SLMAP: variants seen among roughly 807,000 people sequenced by gnomAD.
SLMAP encodes sarcolemma associated protein, also known as sarcolemmal membrane-associated protein.
Under a neutral mutation model 128.8 loss-of-function variants are expected in SLMAP, and 44 were observed. The ratio of observed to expected loss-of-function variants is 0.34; its 90% CI spans 0.27 to 0.44. The LOEUF is 0.44. Among genes scored for constraint, SLMAP ranks in the 20% least tolerant of loss-of-function variants. The probability of loss-of-function intolerance (pLI) is 1.00; values close to 1 mark genes in which losing one functional copy is unlikely to be tolerated. For synonymous variants in SLMAP, 327 were observed against 348.8 expected (o/e 0.94, Z 0.70); for missense variants, 787 against 985.3 (o/e 0.80, Z 2.69).
intron 2 of SLMAP, among the ~76,000 whole-genome samples, chr3:57,825,393 ATGT>A (rs1353333966): frequency 2.6e-5 from 4 of 151,468 alleles, no homozygotes; most frequent in Non-Finnish European, 4.4e-5. Flanking sequence ...GCCCTTTATC[ATGT>A]TGAGGAAGTT....
intron 13 of SLMAP, among the ~76,000 whole-genome samples, chr3:57,868,613 G>T (rs914754258): frequency 6.6e-6 from 1 of 151,132 alleles, no homozygotes; most frequent in Admixed American, 6.6e-5. Context: ...TGTGGTCCTA[G>T]GTAGTTGGGA....
chr3:57,843,703 CTTTTCTTTCTTTCTTTCT>C (rs1399064649), intron 4 of SLMAP, among the ~76,000 whole-genome samples: 44 of 133,676 alleles, frequency 3.3e-4, no homozygotes, highest in African/African-American at 6.6e-4. Flanking sequence ...TCCTTCCTTC[CTTTTCTTTCTTTCTTTCT>C]TTTTCTTTCT....
At chr3:57,774,509 A>AATTATTATTATTATTATTATTATT (rs66990452) in intron 2 of SLMAP, among the ~76,000 whole-genome samples, 2 of 147,400 alleles carry the variant, frequency 1.4e-5, no homozygotes, top group African/African-American at 5.0e-5. Context: ...TTTAATAGAC[A>AATTATTATTATTATTATTATTATT]ATTATTATTA....
chr3:57,921,279 A>G (rs1379622510), intron 22 of SLMAP, among the ~76,000 whole-genome samples: 1 of 152,206 alleles, frequency 6.6e-6, no homozygotes. Context: ...CAAAGTATAT[A>G]CAGTGAATTG....
chr3:57,762,720 T>G (rs1278384512), intron 2 of SLMAP, among the ~76,000 whole-genome samples: 1 of 146,912 alleles, frequency 6.8e-6, no homozygotes, highest in Non-Finnish European at 1.5e-5. Flanking sequence ...GTTTTTTTTT[T>G]TTTTTTTTTT....
chr3:57,907,792 C>A, intron 17 of SLMAP, 92 bp from the exon 18 acceptor site: 1 of 1,188,464 alleles, frequency 8.4e-7, no homozygotes, highest in Non-Finnish European at 1.2e-6. Context: ...GTTGTTTATG[C>A]ATGTGCAAAC....
At chr3:57,894,408 AT>A (rs1286778370) in intron 15 of SLMAP, among the ~76,000 whole-genome samples, 1 of 152,178 alleles carries the variant, frequency 6.6e-6, no homozygotes, top group Non-Finnish European at 1.5e-5. Context: ...TATGTATTTC[AT>A]TTTCCCATAA....
chr3:57,771,899 T>A (rs1354211466), intron 2 of SLMAP, among the ~76,000 whole-genome samples: 1 of 152,224 alleles, frequency 6.6e-6, no homozygotes, highest in Non-Finnish European at 1.5e-5. Flanking sequence ...AGTAGCATAC[T>A]TAAGATCCGC....
intron 2 of SLMAP, among the ~76,000 whole-genome samples, chr3:57,829,994 A>T (rs2093223197): frequency 6.6e-6 from 1 of 152,114 alleles, no homozygotes; most frequent in African/African-American, 2.4e-5. Flanking sequence ...CCTGCATCTC[A>T]CTTTTTTCCT....
At chr3:57,842,135 A>G (rs1247051059) in intron 4 of SLMAP, among the ~76,000 whole-genome samples, 1 of 152,168 alleles carries the variant, frequency 6.6e-6, no homozygotes, top group Non-Finnish European at 1.5e-5. Context: ...GGTTAAGAGA[A>G]GCAATAAATT....
In SLMAP at chr3:57,847,770, C is replaced by T. The variant is rs547604742; in HGVS notation, c.456+537C>T. On this transcript the variant is annotated intron_variant, in intron 5 of 24. Transcript: ENST00000671191. ...TTATAGGTTTCATTGCTAATTAGCC[C>T]CCCAAAATACATCTTTTGACATTAA... Among the ~76,000 whole-genome samples the T allele has an allele frequency of 7.5e-4, 114 of 152,138 alleles. 1 individual carries two copies. The highest frequency in any genetic ancestry group is 2.3e-3 in the African/African-American group (95 of 41,500).
At chr3:57,798,636 A>G (rs928863347) in intron 2 of SLMAP, among the ~76,000 whole-genome samples, 1 of 152,204 alleles carries the variant, frequency 6.6e-6, no homozygotes, top group Non-Finnish European at 1.5e-5. Flanking sequence ...TTGGTAAAGC[A>G]TGACCTCTAG....
intron 2 of SLMAP, among the ~76,000 whole-genome samples, chr3:57,781,409 GAT>G (rs1229963028): frequency 2.0e-5 from 3 of 152,096 alleles, no homozygotes; most frequent in Admixed American, 6.6e-5. Context: ...TTTATATACT[GAT>G]ATGGGAGATT....
Position 57,913,144 on chromosome 3 carries a change from TG to T in SLMAP, c.2021-11del, listed in dbSNP as rs1238196903. ...TATTTCTGTATTAACAAATATGTTT[TG>T]GGACTATTTTAGGTGAACTAGAGAA... On this transcript the variant is annotated splice_polypyrimidine_tract_variant and intron_variant, in intron 20 of 24. Coordinates refer to ENST00000671191, the MANE Select transcript of SLMAP (RefSeq NM_001377540.1). The T allele has an allele frequency of 1.8e-6, 2 of 1,132,366 alleles. No individual in the cohort carries two copies. The highest frequency in any genetic ancestry group is 4.7e-5 in the East Asian group (2 of 42,304). 70.1% of individuals were successfully genotyped at this position (1,132,366 alleles called of 1,614,324 possible).
chr3:57,780,178 G>C (rs956796751), intron 2 of SLMAP, among the ~76,000 whole-genome samples: 3 of 146,656 alleles, frequency 2.0e-5, no homozygotes, highest in Non-Finnish European at 3.0e-5. Flanking sequence ...ACAGGGTCTT[G>C]CTCTGTTGCC....
At chr3:57,873,379 T>TATAATCCC (rs1373000604) in intron 14 of SLMAP, among the ~76,000 whole-genome samples, 1 of 152,026 alleles carries the variant, frequency 6.6e-6, no homozygotes, top group Non-Finnish European at 1.5e-5. Flanking sequence ...AGCACATGCC[T>TATAATCCC]ATAATCCCAG....
chr3:57,809,754 C>A (rs2090595336), intron 2 of SLMAP, among the ~76,000 whole-genome samples: 1 of 152,182 alleles, frequency 6.6e-6, no homozygotes, highest in African/African-American at 2.4e-5. Context: ...AAGCCTCGGG[C>A]TCAGCCAGAG....
chr3:57,798,062 G>A (rs2087207575), intron 2 of SLMAP, among the ~76,000 whole-genome samples: 1 of 152,144 alleles, frequency 6.6e-6, no homozygotes. Flanking sequence ...GTTAATATAT[G>A]TGAAGGCATA....
At chr3:57,803,044 T>C (rs2088941444) in intron 2 of SLMAP, among the ~76,000 whole-genome samples, 2 of 152,186 alleles carry the variant, frequency 1.3e-5, no homozygotes, top group Non-Finnish European at 2.9e-5. Context: ...CTATGCAGTA[T>C]GAGTGTAATA....
Sources: gnomAD v4.1 joint callset for allele counts (sites outside exome capture counted in the v4.1 genomes callset) on GRCh38, gnomAD v4.1.1 for gene constraint, MANE v1.5 for transcripts, NCBI Gene and HGNC (gene_info 2026-07-23, HGNC 2026-07-21) for gene names.